Variants in PPME1 observed in about 807,000 individuals in gnomAD.
PPME1 encodes protein phosphatase methylesterase 1.
A neutral mutation model predicts 56.9 loss-of-function variants in PPME1; 17 were observed. The ratio of observed to expected loss-of-function variants is 0.30; its 90% CI spans 0.20 to 0.45. The LOEUF (loss-of-function observed/expected upper bound fraction) is 0.45. Among genes scored for constraint, PPME1 ranks in the 20% least tolerant of loss-of-function variants. The pLI is 1.00. For synonymous variants in PPME1, 122 were observed against 156.2 expected, an observed-to-expected ratio of 0.78 and a Z score of 1.63; for missense variants, 357 against 483.2, an observed-to-expected ratio of 0.74 and a Z score of 2.45.
intron 13 of PPME1, among the ~76,000 whole-genome samples, chr11:74,252,103 C>CTTTT (rs60650207): frequency 8.5e-5 from 10 of 117,014 alleles, no homozygotes; most frequent in Non-Finnish European, 1.6e-4. Flanking sequence ...TGGAGCAGGG[C>CTTTT]TTTTTTTTTT....
intron 7 of PPME1, among the ~76,000 whole-genome samples, chr11:74,233,663 A>T (rs564187320): frequency 6.6e-4 from 101 of 152,096 alleles, no homozygotes; most frequent in African/African-American, 1.9e-3. Context: ...AAATATATAT[A>T]TTTTTTTAAT....
chr11:74,245,495 AC>A (rs1169103401), intron 9 of PPME1, among the ~76,000 whole-genome samples: 4 of 152,164 alleles, frequency 2.6e-5, no homozygotes, highest in South Asian at 4.1e-4. Flanking sequence ...ATAAATGTTG[AC>A]ATTTTGTCAT....
intron 1 of PPME1, among the ~76,000 whole-genome samples, chr11:74,194,839 A>G (rs1030752584): frequency 1.3e-5 from 2 of 152,224 alleles, no homozygotes; most frequent in Admixed American, 6.5e-5. Flanking sequence ...GTGTTTCATC[A>G]AAATAAGAGA....
chr11:74,191,473 A>C (rs1857835185), intron 1 of PPME1, among the ~76,000 whole-genome samples: 2 of 152,354 alleles, frequency 1.3e-5, no homozygotes, highest in South Asian at 4.1e-4. Flanking sequence ...AGAGATTTGC[A>C]TGACTAAAAG....
chr11:74,178,912 GT>G lies in PPME1; in HGVS notation c.101+7403del, dbSNP rs200830859. On this transcript the variant is annotated intron_variant, in intron 1 of 13. Coordinates refer to ENST00000328257, the MANE Select transcript of PPME1 (RefSeq NM_016147.3). ...ACTGTTTCCTTCAAACTACAAAATA[GT>G]TTTTTTTTTTTTAAGAGAAGAAACT... Among the ~76,000 whole-genome samples the G allele has an allele frequency of 8.6e-3, 1,227 of 142,662 alleles. 11 individuals carry two copies. The highest frequency in any genetic ancestry group is 0.026 in the African/African-American group (1,010 of 39,272). The allele number at this position is 142,662 out of a possible 152,430, so 93.6% of individuals were successfully genotyped here.
chr11:74,200,838 T>G (rs1858142436), intron 1 of PPME1, among the ~76,000 whole-genome samples: 1 of 152,080 alleles, frequency 6.6e-6, no homozygotes, highest in Non-Finnish European at 1.5e-5. Context: ...ACCTGTTTTT[T>G]TGTTTATTTT....
chr11:74,220,304 C>T (rs1858765297), intron 3 of PPME1, among the ~76,000 whole-genome samples: 1 of 146,918 alleles, frequency 6.8e-6, no homozygotes, highest in African/African-American at 2.7e-5. Context: ...ATTATTACTA[C>T]CCAGTTCTTC....
At chr11:74,249,848 G>C (rs1474998893) in intron 11 of PPME1, 1 of 152,244 alleles carries the variant, frequency 6.6e-6, no homozygotes, top group African/African-American at 2.4e-5. Flanking sequence ...GAAGGGAGAG[G>C]TGACTAGGCT....
intron 3 of PPME1, among the ~76,000 whole-genome samples, chr11:74,220,398 A>C (rs2135646225): frequency 6.6e-6 from 1 of 152,328 alleles, no homozygotes; most frequent in Admixed American, 6.5e-5. Flanking sequence ...GGAGAAGTCG[A>C]AAATGTGTAA....
chr11:74,188,481 A>G (rs1037749334), intron 1 of PPME1, among the ~76,000 whole-genome samples: 3 of 152,074 alleles, frequency 2.0e-5, no homozygotes, highest in Non-Finnish European at 4.4e-5. Flanking sequence ...CACTGCGCCC[A>G]GCCCATACTG....
intron 3 of PPME1, among the ~76,000 whole-genome samples, chr11:74,208,301 ACT>A (rs1317633844): frequency 2.1e-5 from 3 of 145,874 alleles, no homozygotes; most frequent in Non-Finnish European, 4.5e-5. Flanking sequence ...ACAGAGTGAG[ACT>A]CTGTCTCAAG....
At chr11:74,251,396 A>C (rs1859656297) in intron 12 of PPME1, 1 of 1,368,088 alleles carries the variant, frequency 7.3e-7, no homozygotes, top group African/African-American at 1.5e-5. Context: ...ACCATTCTGT[A>C]ACTCTGAGGG....
intron 1 of PPME1, among the ~76,000 whole-genome samples, chr11:74,200,507 C>T (rs529040438): frequency 9.9e-5 from 15 of 152,120 alleles, no homozygotes; most frequent in African/African-American, 3.1e-4. Context: ...TCAGCCTTCC[C>T]GAGTAGCTGG....
intron 3 of PPME1, among the ~76,000 whole-genome samples, chr11:74,215,458 G>A (rs867292554): frequency 2.0e-5 from 3 of 152,146 alleles, no homozygotes; most frequent in Middle Eastern, 6.8e-3. Context: ...GTTTTAAATT[G>A]TCACCACTTT....
chr11:74,239,052 A>C (rs1859274411), intron 8 of PPME1, 81 bp from the exon 9 acceptor site: 2 of 1,336,490 alleles, frequency 1.5e-6, no homozygotes, highest in African/African-American at 2.9e-5. Context: ...TTGATTATAA[A>C]AGGCCGTAAG....
At chr11:74,224,330 T>G (rs1432006071) in intron 4 of PPME1, among the ~76,000 whole-genome samples, 1 of 141,686 alleles carries the variant, frequency 7.1e-6, no homozygotes, top group African/African-American at 2.9e-5. Context: ...AGTACCATGC[T>G]GTTTTGGTTA....
intron 1 of PPME1, among the ~76,000 whole-genome samples, chr11:74,199,254 C>T (rs2135616926): frequency 6.6e-6 from 1 of 152,262 alleles, no homozygotes; most frequent in Non-Finnish European, 1.5e-5. Context: ...TTCTTTCCTC[C>T]TTTGAACATT....
chr11:74,223,388 T>C (rs1858850515), intron 4 of PPME1, among the ~76,000 whole-genome samples: 2 of 149,324 alleles, frequency 1.3e-5, no homozygotes, highest in African/African-American at 5.2e-5. Flanking sequence ...TTGTGAATAA[T>C]GCCGCAATAA....
Position 74,190,648 on chromosome 11 carries a change from A to C in PPME1, c.102-13080A>C, listed in dbSNP as rs1021636389. On this transcript the variant is annotated intron_variant, in intron 1 of 13. Transcript: ENST00000328257. The stretch of plus-strand genomic sequence containing the variant: ...TACCGAAGAGTAGGATGTTGCTATA[A>C]AGATAACTGAAAATGTGGAAGCAGT... Among the ~76,000 whole-genome samples the C allele has an allele frequency of 2.0e-5, 3 of 152,366 alleles. No individual in the cohort carries two copies. In the South Asian group the frequency reaches 6.2e-4, roughly 32 times the overall value.
Sources: allele counts gnomAD v4.1 joint callset (sites outside exome capture counted in the v4.1 genomes callset), GRCh38; gene constraint gnomAD v4.1.1; transcripts MANE v1.5; gene names NCBI Gene and HGNC (gene_info 2026-07-23, HGNC 2026-07-21).